The following LINGO2 variants were observed in gnomAD, a reference collection of about 807,000 sequenced individuals.
LINGO2 encodes leucine-rich repeat and immunoglobulin-like domain-containing nogo receptor-interacting protein 2.
In LINGO2, 14 loss-of-function variants were observed where a neutral mutation model predicts 30.6. The observed-to-expected ratio is 0.46, with a 90% CI of 0.30 to 0.72. The LOEUF (loss-of-function observed/expected upper bound fraction) is 0.72, where lower values mean the gene tolerates loss of function less well. LINGO2 is among the 30% of genes least tolerant of loss of function. LINGO2 has a pLI of 0.07. For synonymous variants in LINGO2, 317 were observed against 288.5 expected, an observed-to-expected ratio of 1.10 and a Z score of -1.00; for missense variants, 729 against 751.7, an observed-to-expected ratio of 0.97 and a Z score of 0.35.
At chr9:29,064,636 A>G in the LINGO2 span, among the ~76,000 whole-genome samples, 6 of 152,038 alleles carry the variant, frequency 3.9e-5, no homozygotes, top group Non-Finnish European at 7.4e-5. Flanking sequence ...AGAAAAGTAC[A>G]TAATAATAAT....
At chr9:27,964,142 G>T (rs1819984025) in intron 5 of LINGO2, among the ~76,000 whole-genome samples, 1 of 152,042 alleles carries the variant, frequency 6.6e-6, no homozygotes, top group Admixed American at 6.6e-5. Flanking sequence ...GGAAGGAATG[G>T]AAACTTTCAA....
At chr9:28,172,086 T>C (rs558611311) in intron 4 of LINGO2, among the ~76,000 whole-genome samples, 103 of 131,128 alleles carry the variant, frequency 7.9e-4, no homozygotes, top group Non-Finnish European at 1.5e-3. Context: ...GCTACTGCCA[T>C]AAATGACATA....
At chr9:28,650,452 C>G (rs1023148993) in intron 1 of LINGO2, among the ~76,000 whole-genome samples, 1 of 152,100 alleles carries the variant, frequency 6.6e-6, no homozygotes, top group Non-Finnish European at 1.5e-5. Context: ...ATGGATGGTG[C>G]TTATGGATGG....
At chr9:28,552,372 T>G (rs537523953) in intron 1 of LINGO2, among the ~76,000 whole-genome samples, 3 of 152,220 alleles carry the variant, frequency 2.0e-5, no homozygotes, top group African/African-American at 4.8e-5. Flanking sequence ...TCTTAAATAC[T>G]TTGTTGCATA....
At chr9:28,885,179 A>G in the LINGO2 span, among the ~76,000 whole-genome samples, 1 of 147,750 alleles carries the variant, frequency 6.8e-6, no homozygotes, top group South Asian at 2.1e-4. Flanking sequence ...GGTAGGAGGG[A>G]CACAGGGAGA....
the LINGO2 span, among the ~76,000 whole-genome samples, chr9:29,036,649 G>A: frequency 1.3e-5 from 2 of 151,856 alleles, no homozygotes; most frequent in African/African-American, 4.8e-5. Context: ...CAATTAGCTT[G>A]GTCATGATTC....
the LINGO2 span, among the ~76,000 whole-genome samples, chr9:28,833,309 T>C: frequency 6.6e-6 from 1 of 152,238 alleles, no homozygotes; most frequent in Non-Finnish European, 1.5e-5. Flanking sequence ...CCAAGTTCTC[T>C]ATAGTACCTT....
chr9:28,915,097 A>C, the LINGO2 span, among the ~76,000 whole-genome samples: 2 of 152,158 alleles, frequency 1.3e-5, no homozygotes, highest in African/African-American at 4.8e-5. Flanking sequence ...ATGCCATTGC[A>C]CTCCAGGCTG....
the LINGO2 span, among the ~76,000 whole-genome samples, chr9:28,763,995 C>G: frequency 2.2e-4 from 34 of 151,406 alleles, no homozygotes; most frequent in African/African-American, 8.2e-4. Context: ...CTGAATAGAC[C>G]AATAACAAAT....
the LINGO2 span, chr9:27,939,596 C>T: frequency 6.6e-6 from 1 of 152,224 alleles, no homozygotes; most frequent in Non-Finnish European, 1.5e-5. Flanking sequence ...CAGTGTGAGG[C>T]TTAAAGAAAC....
chr9:28,747,229 T>G, the LINGO2 span, among the ~76,000 whole-genome samples: 1 of 151,862 alleles, frequency 6.6e-6, no homozygotes, highest in East Asian at 1.9e-4. Context: ...GAAGGAACGT[T>G]TGAATGCTGA....
chr9:28,567,948 G>T (rs1823470532), intron 1 of LINGO2, among the ~76,000 whole-genome samples: 1 of 151,994 alleles, frequency 6.6e-6, no homozygotes, highest in Non-Finnish European at 1.5e-5. Context: ...GTTCGAACAA[G>T]CAAAGCTGAC....
chr9:28,971,007 G>A, the LINGO2 span, among the ~76,000 whole-genome samples: 1 of 152,166 alleles, frequency 6.6e-6, no homozygotes, highest in Non-Finnish European at 1.5e-5. Flanking sequence ...AAAGGGAAGA[G>A]TGCAGGAGGA....
chr9:28,086,870 T>C lies in LINGO2; in HGVS notation c.-86-74465A>G, dbSNP rs138152417. Among the ~76,000 whole-genome samples the C allele has an allele frequency of 4.0e-4, 61 of 152,234 alleles. 1 individual carries two copies. The highest frequency in any genetic ancestry group is 3.9e-3 in the Admixed American group (59 of 15,274). ...AGGCTTAAATAGCAAGTATTCTAGA[T>C]TGATTATAAAAATGGCTCCAATTCT... is the stretch of plus-strand genomic sequence containing the variant. On this transcript the variant is annotated intron_variant, in intron 4 of 5. Coordinates refer to ENST00000379992, the Ensembl canonical transcript of LINGO2.
At chr9:29,084,608 T>G in the LINGO2 span, among the ~76,000 whole-genome samples, 1 of 151,964 alleles carries the variant, frequency 6.6e-6, no homozygotes, top group South Asian at 2.1e-4. Context: ...TGAATTGATA[T>G]AGAATCTGAC....
At chr9:28,031,633 C>A (rs976390686) in intron 4 of LINGO2, among the ~76,000 whole-genome samples, 1 of 152,110 alleles carries the variant, frequency 6.6e-6, no homozygotes, top group African/African-American at 2.4e-5. Flanking sequence ...TGCCACACAA[C>A]ATTGGTTTTG....
At chr9:28,992,560 T>C in the LINGO2 span, among the ~76,000 whole-genome samples, 111 of 152,136 alleles carry the variant, frequency 7.3e-4, no homozygotes, top group African/African-American at 2.5e-3. Flanking sequence ...ACAGAATATA[T>C]ATTTTTTTCA....
chr9:29,038,950 CT>C, the LINGO2 span, among the ~76,000 whole-genome samples: 1 of 152,230 alleles, frequency 6.6e-6, no homozygotes, highest in Non-Finnish European at 1.5e-5. Flanking sequence ...CTTGTCATTG[CT>C]CATTAGGCTT....
intron 5 of LINGO2, among the ~76,000 whole-genome samples, chr9:27,962,568 C>T (rs1040706899): frequency 3.3e-5 from 5 of 152,134 alleles, no homozygotes; most frequent in African/African-American, 9.7e-5. Context: ...GACTGTCCTT[C>T]AGCTAGGCAA....
Sources: gnomAD v4.1 joint callset for allele counts (sites outside exome capture counted in the v4.1 genomes callset) on GRCh38, gnomAD v4.1.1 for gene constraint, MANE v1.5 for transcripts, NCBI Gene and HGNC (gene_info 2026-07-23, HGNC 2026-07-21) for gene names.